FRMPD1: variants seen among roughly 807,000 people sequenced by gnomAD.
FRMPD1 encodes the protein FERM and PDZ domain containing 1, also known as FERM and PDZ domain-containing protein 1.
A neutral mutation model predicts 117.8 loss-of-function variants in FRMPD1; 76 were observed. The observed-to-expected ratio is 0.65, with a 90% CI of 0.54 to 0.78. The LOEUF is 0.78. Ranked by LOEUF, FRMPD1 falls within the 30% of genes least tolerant of loss-of-function variation. The pLI, the probability that FRMPD1 is intolerant of heterozygous loss-of-function variation, is 0.00. For missense variants in FRMPD1, 1,786 were observed against 1,964.5 expected (o/e 0.91, Z 1.72); for synonymous variants, 783 against 770.4 (o/e 1.02, Z -0.27).
the FRMPD1 span, among the ~76,000 whole-genome samples, chr9:37,644,386 A>G: frequency 6.6e-6 from 1 of 152,140 alleles, no homozygotes; most frequent in Admixed American, 6.5e-5. Flanking sequence ...GCAATGGTGG[A>G]CGGTGTGGCA....
chr9:37,712,648 G>A (rs1822953066), intron 5 of FRMPD1, among the ~76,000 whole-genome samples: 1 of 152,190 alleles, frequency 6.6e-6, no homozygotes, highest in African/African-American at 2.4e-5. Flanking sequence ...CATCCACCAT[G>A]CCAGGCCAGA....
intron 9 of FRMPD1, among the ~76,000 whole-genome samples, chr9:37,731,805 G>A (rs528660872): frequency 6.6e-6 from 1 of 152,006 alleles, no homozygotes; most frequent in South Asian, 2.1e-4. Flanking sequence ...CCTTGGAGGT[G>A]GTGTTTGCAT....
At chr9:37,617,626 G>A in the FRMPD1 span, among the ~76,000 whole-genome samples, 14 of 152,188 alleles carry the variant, frequency 9.2e-5, no homozygotes, top group Non-Finnish European at 1.2e-4. Flanking sequence ...CCACTTGACC[G>A]GATTCGGGAG....
chr9:37,713,852 G>A (rs1215263866), intron 5 of FRMPD1, among the ~76,000 whole-genome samples: 1 of 152,186 alleles, frequency 6.6e-6, no homozygotes, highest in Admixed American at 6.5e-5. Flanking sequence ...GTCATAGGCT[G>A]TAGAAAGGTT....
intron 1 of FRMPD1, among the ~76,000 whole-genome samples, chr9:37,690,445 C>G (rs60444035): frequency 0.045 from 6,759 of 151,740 alleles, 499 homozygotes; most frequent in East Asian, 0.36. Flanking sequence ...CTGAATTTTT[C>G]TGTTTGTTTT....
chr9:37,649,508 A>G (rs150352463), upstream of FRMPD1, among the ~76,000 whole-genome samples: 3 of 152,218 alleles, frequency 2.0e-5, no homozygotes, highest in African/African-American at 7.2e-5. Context: ...TTTGGGTGCA[A>G]TTACGTAGGA....
chr9:37,738,959 T>C lies in FRMPD1; in HGVS notation c.1550-1119T>C, dbSNP rs75251990. Among the ~76,000 whole-genome samples the C allele has an allele frequency of 5.2e-3, 797 of 151,892 alleles. 10 individuals carry two copies. The highest frequency in any genetic ancestry group is 0.018 in the African/African-American group (736 of 41,404). On this transcript the variant is annotated intron_variant, in intron 14 of 15. Transcript: ENST00000377765. ...TGGAACGTGGCAGGGAAGGCTGCCA[T>C]GGGGGACTGGGTGCCTGAGGAGGGG... is the stretch of plus-strand genomic sequence containing the variant.
intron 5 of FRMPD1, among the ~76,000 whole-genome samples, chr9:37,711,960 C>G (rs961639648): frequency 1.3e-5 from 2 of 151,994 alleles, no homozygotes. Context: ...ATCAAATTTT[C>G]AAAGGAAAAA....
At chr9:37,663,356 T>A (rs1057058420) in intron 1 of FRMPD1, among the ~76,000 whole-genome samples, 1 of 152,076 alleles carries the variant, frequency 6.6e-6, no homozygotes, top group Non-Finnish European at 1.5e-5. Context: ...CAGGTGGGGA[T>A]TGCATGCCAG....
At chr9:37,641,194 T>G in the FRMPD1 span, among the ~76,000 whole-genome samples, 37 of 152,314 alleles carry the variant, frequency 2.4e-4, no homozygotes, top group Non-Finnish European at 4.7e-4. Flanking sequence ...AAACTTCCTT[T>G]GCAAGAAGTA....
chr9:37,627,337 T>G, the FRMPD1 span, among the ~76,000 whole-genome samples: 5 of 152,336 alleles, frequency 3.3e-5, no homozygotes, highest in East Asian at 9.6e-4. Flanking sequence ...TCTGAAATAA[T>G]AGCTCTCCTG....
intron 2 of FRMPD1, among the ~76,000 whole-genome samples, chr9:37,700,626 C>T (rs1438644773): frequency 3.3e-5 from 5 of 152,172 alleles, no homozygotes; most frequent in Non-Finnish European, 5.9e-5. Context: ...CAGTATCCAT[C>T]TGGTAGTTTT....
At chr9:37,653,628 C>T (rs993996992) in intron 1 of FRMPD1, among the ~76,000 whole-genome samples, 1 of 152,098 alleles carries the variant, frequency 6.6e-6, no homozygotes, top group African/African-American at 2.4e-5. Flanking sequence ...TACTCAAGGA[C>T]CCAGATTGGT....
At chr9:37,640,450 T>C in the FRMPD1 span, among the ~76,000 whole-genome samples, 22 of 152,352 alleles carry the variant, frequency 1.4e-4, no homozygotes, top group African/African-American at 3.8e-4. Flanking sequence ...TAGTATCAGT[T>C]GACAAAGTAC....
rs1318614171 is a variant in FRMPD1 at position 37,656,424 on chromosome 9, A to C, written c.-5+5330A>C. On this transcript the variant is annotated intron_variant, in intron 1 of 15. Transcript: ENST00000377765. ...ATACTGTGTAAAATTTGAACCTTGA[A>C]GCTTTTGACAATCATTCTTTATATT... Among the ~76,000 whole-genome samples the C allele has an allele frequency of 2.0e-5, 3 of 152,316 alleles. No homozygotes were observed. The East Asian group carries it at 5.8e-4, about 29-fold the overall frequency.
chr9:37,700,064 AC>A (rs1483734227), intron 2 of FRMPD1, among the ~76,000 whole-genome samples: 1 of 152,092 alleles, frequency 6.6e-6, no homozygotes, highest in East Asian at 1.9e-4. Context: ...AATTCTGTTG[AC>A]CTTTCTAATA....
chr9:37,637,991 T>G, the FRMPD1 span, among the ~76,000 whole-genome samples: 20 of 112,608 alleles, frequency 1.8e-4, 2 homozygotes, highest in Non-Finnish European at 1.9e-4. Context: ...TTTCTTTCTT[T>G]CTTTCTTTCT....
intron 1 of FRMPD1, among the ~76,000 whole-genome samples, chr9:37,690,866 A>G (rs978529496): frequency 6.6e-6 from 1 of 152,198 alleles, no homozygotes. Flanking sequence ...AAGAAGGTGG[A>G]AGGGCAAAAG....
intron 15 of FRMPD1, among the ~76,000 whole-genome samples, chr9:37,743,348 CTT>C (rs1824511445): frequency 6.6e-6 from 1 of 152,048 alleles, no homozygotes; most frequent in African/African-American, 2.4e-5. Flanking sequence ...CACTAAAAGA[CTT>C]GGGTTAACAT....
Sources: allele counts gnomAD v4.1 joint callset (sites outside exome capture counted in the v4.1 genomes callset), GRCh38; gene constraint gnomAD v4.1.1; transcripts MANE v1.5; gene names NCBI Gene and HGNC (gene_info 2026-07-23, HGNC 2026-07-21).